The following VAV2 variants were observed in gnomAD, a reference collection of about 807,000 sequenced individuals.
VAV2 encodes guanine nucleotide exchange factor VAV2.
VAV2 carries 67 observed loss-of-function variants against 132.5 expected under a neutral mutation model. The observed-to-expected ratio is 0.51, with a 90% CI of 0.42 to 0.62. The LOEUF (loss-of-function observed/expected upper bound fraction) is 0.62. Among genes scored for constraint, VAV2 ranks in the 20% least tolerant of loss-of-function variants. The pLI is 0.00. For synonymous variants in VAV2, 492 were observed against 443.5 expected, an observed-to-expected ratio of 1.11 and a Z score of -1.37; for missense variants, 938 against 1,153.6, an observed-to-expected ratio of 0.81 and a Z score of 2.71.
At chr9:133,785,694 CCA>C (rs1315624285) in intron 17 of VAV2, 80 bp downstream of exon 17, 1 of 1,374,332 alleles carries the variant, frequency 7.3e-7, no homozygotes, top group Non-Finnish European at 1.0e-6. Context: ...CTGAGAGGAA[CCA>C]CAGACACAAT....
chr9:133,786,726 CA>C (rs1324877635), intron 16 of VAV2, among the ~76,000 whole-genome samples: 1 of 152,260 alleles, frequency 6.6e-6, no homozygotes, highest in Non-Finnish European at 1.5e-5. Flanking sequence ...TCGGCCACCC[CA>C]CAGGCCTCGC....
chr9:133,930,999 C>G, intron 2 of VAV2, among the ~76,000 whole-genome samples: 1 of 152,344 alleles, frequency 6.6e-6, no homozygotes, highest in Middle Eastern at 3.4e-3. Context: ...TTAACTCGAG[C>G]AAGAGAAGCG....
rs1840173203 is a variant in VAV2, at chr9:133,918,302, G to A, written c.321+20801C>T. Among the ~76,000 whole-genome samples, 1 of 150,986 alleles carries A rather than the reference G, an allele frequency of 6.6e-6. No individual in the cohort carries two copies. Among genetic ancestry groups the A allele is most frequent in the South Asian group, 2.1e-4 (1 of 4,720 alleles). On this transcript the variant is annotated intron_variant, in intron 2 of 29. Transcript: ENST00000371850. The surrounding 1 kb of genome is among the most constrained non-coding windows in gnomAD (Gnocchi z 4.7). ...TCTGCGGCGGCAGAAAAGCGAACCA[G>A]AGAGCAGGAAGGCGGCGCTGGCTCC...
rs1564357856 is a variant in VAV2, at chr9:133,797,726, A to C, written c.920T>G (p.Phe307Cys). 2 of 1,614,030 alleles carry C rather than the reference A, an allele frequency of 1.2e-6. No individual in the cohort carries two copies. Among genetic ancestry groups the C allele is most frequent in the Non-Finnish European group, 1.7e-6 (2 of 1,179,956 alleles). Reference sequence around the variant, plus strand: ...AGGACTTACCTCGACTTTCTGCCTGAAGTCCTCCCGGCTGGCCAGGAGCTG... The same window carrying C: ...AGGACTTACCTCGACTTTCTGCCTGCAGTCCTCCCGGCTGGCCAGGAGCTG... ...LNQLLASRED[F>C]RQKVEECTLK... is the part of the protein sequence containing the mutation. Residue 307 changes from phenylalanine to cysteine, a missense_variant, in exon 10 of 30, where the codon TTC (phenylalanine) becomes TGC (cysteine). Coordinates refer to ENST00000371850, the MANE Select transcript of VAV2 (RefSeq NM_001134398.2).
At chr9:133,914,918 G>C (rs1840023115) in intron 2 of VAV2, among the ~76,000 whole-genome samples, 1 of 118,438 alleles carries the variant, frequency 8.4e-6, no homozygotes, top group Non-Finnish European at 1.8e-5. Context: ...AGGTGAATGT[G>C]ACCAAGGTCA....
At chr9:133,903,748 A>G (rs1459760590) in intron 2 of VAV2, among the ~76,000 whole-genome samples, 1 of 152,112 alleles carries the variant, frequency 6.6e-6, no homozygotes, top group Non-Finnish European at 1.5e-5. Flanking sequence ...AAAATTCTCA[A>G]CAGGGGGATG....
intron 2 of VAV2, among the ~76,000 whole-genome samples, chr9:133,914,512 G>A (rs547649961): frequency 2.0e-5 from 3 of 148,396 alleles, no homozygotes; most frequent in East Asian, 2.0e-4. Flanking sequence ...CTCAAAGGGC[G>A]CGCAGCGTGT....
At chr9:133,904,620 T>A (rs1839572272) in intron 2 of VAV2, among the ~76,000 whole-genome samples, 1 of 152,238 alleles carries the variant, frequency 6.6e-6, no homozygotes, top group Non-Finnish European at 1.5e-5. Flanking sequence ...CCTCTCCCAG[T>A]GGAGTCGGAC....
Position 133,933,884 on chromosome 9 carries a change from T to TG in VAV2, c.321+5218dup, listed in dbSNP as rs1411430386. ...ATGGGTGGATGGATGGATGGATGAATGATGGATGGATGGATGGGTGGATGG... is the reference window on the plus strand; with the variant it reads ...ATGGGTGGATGGATGGATGGATGAATGGATGGATGGATGGATGGGTGGATGG... On this transcript the variant is annotated intron_variant, in intron 2 of 29. Coordinates refer to ENST00000371850, the MANE Select transcript of VAV2 (RefSeq NM_001134398.2). Among the ~76,000 whole-genome samples the TG allele has an allele frequency of 9.2e-4, 18 of 19,636 alleles. No individual in the cohort carries two copies. The South Asian group carries it at 0.021, about 23-fold the overall frequency. The allele number at this position is 19,636 out of a possible 152,430, so 12.9% of individuals were successfully genotyped here. A position where few individuals can be genotyped will look rare whatever the true frequency, so the allele number is the denominator to read the frequency against.
At chr9:133,795,913 A>C (rs1588186575) in intron 11 of VAV2, among the ~76,000 whole-genome samples, 177 bp from the exon 12 acceptor site, 1 of 152,206 alleles carries the variant, frequency 6.6e-6, no homozygotes, top group Admixed American at 6.5e-5. Context: ...TGACTCCTCC[A>C]CAGGGGATAC....
Position 133,774,921 on chromosome 9 carries a change from G to C in VAV2, c.2135+14C>G. On this transcript the variant is annotated intron_variant, in intron 25 of 29. Coordinates refer to ENST00000371850, the MANE Select transcript of VAV2 (RefSeq NM_001134398.2). Reference sequence around the variant, plus strand: ...TGGGGGATGGGTCTCCTCGAGCCCAGAGCCGCCACTTACTTGATGCTTATT... The same window carrying C: ...TGGGGGATGGGTCTCCTCGAGCCCACAGCCGCCACTTACTTGATGCTTATT... 7 of 1,607,334 alleles carry C rather than the reference G, an allele frequency of 4.4e-6. No homozygotes were observed. The highest frequency in any genetic ancestry group is 6.0e-6 in the Non-Finnish European group (7 of 1,175,868).
chr9:133,895,438 T>C (rs1023868097), intron 2 of VAV2, among the ~76,000 whole-genome samples: 17 of 152,210 alleles, frequency 1.1e-4, no homozygotes, highest in African/African-American at 4.1e-4. Context: ...CGTCAACAGA[T>C]GAATGGGCAA....
At chr9:133,957,841 G>A (rs983840846) in intron 1 of VAV2, among the ~76,000 whole-genome samples, 10 of 151,440 alleles carry the variant, frequency 6.6e-5, no homozygotes, top group Non-Finnish European at 1.2e-4. Flanking sequence ...AGTAGACATG[G>A]AAGACTCCAT....
chr9:133,797,043 C>T (rs1024976535), intron 10 of VAV2, among the ~76,000 whole-genome samples: 20 of 152,210 alleles, frequency 1.3e-4, no homozygotes, highest in Admixed American at 3.9e-4. Context: ...TGGGGGGCCA[C>T]GCTGCCTCCA....
At chr9:133,785,194 G>C (rs1171442961) in intron 17 of VAV2, among the ~76,000 whole-genome samples, 1 of 152,166 alleles carries the variant, frequency 6.6e-6, no homozygotes. Flanking sequence ...GAAACGGTCA[G>C]AGAGGCGAGT....
At chr9:133,827,578 CCACTGAG>C (rs71974311) in intron 4 of VAV2, among the ~76,000 whole-genome samples, 1 of 80,472 alleles carries the variant, frequency 1.2e-5, no homozygotes, top group African/African-American at 3.9e-5. Flanking sequence ...CTGGGGCTGA[CCACTGAG>C]CACGGGCATC....
In VAV2 at chr9:133,768,273, C is replaced by A. The variant is rs186427751; in HGVS notation, c.2589+169G>T. 2.4e-4 allele frequency among the ~76,000 whole-genome samples: 36 copies of A among 152,232 alleles called. No homozygotes were observed. Among genetic ancestry groups the A allele is most frequent in the African/African-American group, 6.7e-4 (28 of 41,550 alleles). On this transcript the variant is annotated intron_variant, in intron 29 of 29. Coordinates refer to ENST00000371850, the MANE Select transcript of VAV2 (RefSeq NM_001134398.2). This position sits in a 1 kb window ranked among gnomAD's most constrained non-coding sequence, Gnocchi z 5.3. ...GTAAACATCTGGAGCCTCGGTTTCC[C>A]CCTGTGAATGCCAACCTTCTGGGCT...
At chr9:133,778,730 G>T in intron 22 of VAV2, 32 bp downstream of exon 22, 1 of 1,608,690 alleles carries the variant, frequency 6.2e-7, no homozygotes, top group Non-Finnish European at 8.5e-7. Context: ...TGGAGCCGGG[G>T]ACCCTCGACC....
intron 4 of VAV2, among the ~76,000 whole-genome samples, chr9:133,819,226 C>T (rs954515864): frequency 2.0e-5 from 3 of 151,838 alleles, no homozygotes; most frequent in Non-Finnish European, 2.9e-5. Flanking sequence ...GGGCGGATCA[C>T]GAGGTCAGGA....
Sources: allele counts gnomAD v4.1 joint callset (sites outside exome capture counted in the v4.1 genomes callset), GRCh38; gene constraint gnomAD v4.1.1; non-coding constraint Gnocchi (gnomAD v3.1); transcripts MANE v1.5; gene names NCBI Gene and HGNC (gene_info 2026-07-23, HGNC 2026-07-21).